The following THRB variants were observed in gnomAD, a reference collection of about 807,000 sequenced individuals.
The protein encoded by THRB is nuclear receptor subfamily 1 group A member 2.
Under a neutral mutation model 47.8 loss-of-function variants are expected in THRB, and 12 were observed. The observed-to-expected ratio is 0.25, with a 90% confidence interval of 0.16 to 0.41. The LOEUF (loss-of-function observed/expected upper bound fraction) is 0.41, where lower values mean the gene tolerates loss of function less well. Among genes scored for constraint, THRB ranks in the 10% least tolerant of loss-of-function variants. The pLI, the probability that THRB is intolerant of heterozygous loss-of-function variation, is 1.00. For missense variants in THRB, 348 were observed against 589.2 expected (o/e 0.59, Z 4.24); for synonymous variants, 218 against 212.2 (o/e 1.03, Z -0.24).
At chr3:24,372,913 A>G (rs115623226) in intron 1 of THRB, among the ~76,000 whole-genome samples, 1,842 of 152,232 alleles carry the variant, frequency 0.012, 37 homozygotes, top group African/African-American at 0.04. Flanking sequence ...CAAAAGAGAG[A>G]ATGTTGTGGG....
chr3:24,438,763 C>T (rs2071240940), intron 1 of THRB, among the ~76,000 whole-genome samples: 1 of 152,128 alleles, frequency 6.6e-6, no homozygotes, highest in Non-Finnish European at 1.5e-5. Context: ...TATCCAGTTA[C>T]TGGCCCTCGG....
intron 10 of THRB, among the ~76,000 whole-genome samples, chr3:24,124,074 TTTG>T (rs1464406340): frequency 6.6e-6 from 1 of 152,228 alleles, no homozygotes; most frequent in African/African-American, 2.4e-5. Flanking sequence ...TTCTCTTCAG[TTTG>T]TTCTTTGTGG....
At chr3:24,468,110 C>G (rs1437329341) in intron 1 of THRB, among the ~76,000 whole-genome samples, 1 of 152,192 alleles carries the variant, frequency 6.6e-6, no homozygotes, top group Non-Finnish European at 1.5e-5. Context: ...AGCATCTTTC[C>G]TAAAACCTCA....
chr3:24,339,091 C>A (rs572366086), intron 1 of THRB, among the ~76,000 whole-genome samples: 2 of 152,196 alleles, frequency 1.3e-5, no homozygotes, highest in Admixed American at 6.5e-5. Context: ...TACATATACA[C>A]CATTACCCCT....
chr3:24,162,255 A>G (rs141756052), intron 5 of THRB, among the ~76,000 whole-genome samples: 399 of 152,252 alleles, frequency 2.6e-3, no homozygotes, highest in African/African-American at 8.2e-3. Context: ...AGCAGAAAGC[A>G]CAACAAATAA....
intron 1 of THRB, among the ~76,000 whole-genome samples, chr3:24,397,600 C>CTTTT (rs11383377): frequency 1.4e-5 from 2 of 138,258 alleles, no homozygotes; most frequent in African/African-American, 2.7e-5. Context: ...TTTAGCAAGT[C>CTTTT]TTTTTTTTTT....
chr3:24,439,958 A>G (rs779403757), intron 1 of THRB, among the ~76,000 whole-genome samples: 4 of 152,200 alleles, frequency 2.6e-5, no homozygotes, highest in Non-Finnish European at 5.9e-5. Context: ...ACATAGATCA[A>G]AGGAGGATTA....
intron 1 of THRB, among the ~76,000 whole-genome samples, chr3:24,417,477 T>G (rs1052544971): frequency 1.3e-5 from 2 of 151,896 alleles, no homozygotes; most frequent in Non-Finnish European, 2.9e-5. Context: ...GATTTAGTTA[T>G]TTCTTTATCA....
chr3:24,466,684 T>C (rs1360260193), intron 1 of THRB, among the ~76,000 whole-genome samples: 1 of 152,240 alleles, frequency 6.6e-6, no homozygotes, highest in Non-Finnish European at 1.5e-5. Flanking sequence ...GTGTTTATAC[T>C]ATAGTGTAGT....
intron 8 of THRB, among the ~76,000 whole-genome samples, chr3:24,142,786 C>T (rs1326742048): frequency 2.6e-5 from 4 of 152,188 alleles, no homozygotes; most frequent in Admixed American, 6.5e-5. Context: ...GGGCAAGCGG[C>T]TTAAGGCCTT....
chr3:24,269,394 C>T (rs1474371738), intron 3 of THRB, among the ~76,000 whole-genome samples: 7 of 74,370 alleles, frequency 9.4e-5, no homozygotes, highest in South Asian at 5.4e-4. Context: ...CACACGCGCG[C>T]GCGCGCGCGC....
In THRB at chr3:24,251,802, C is replaced by CA. The variant is rs201321592; in HGVS notation, c.-42-22802dup. Among the ~76,000 whole-genome samples, 980 of 152,086 alleles carry CA rather than the reference C, an allele frequency of 6.4e-3. 7 individuals are homozygous for CA. The highest frequency in any genetic ancestry group is 0.017 in the Middle Eastern group (5 of 294). ...AGCACAGGGAAAAAATAAACTTCCTCAATTACTTTTGTAAATCAGCATAAT... is the reference window on the plus strand; with the variant it reads ...AGCACAGGGAAAAAATAAACTTCCTCAAATTACTTTTGTAAATCAGCATAAT... On this transcript the variant is annotated intron_variant, in intron 3 of 10. Transcript: ENST00000646209.
chr3:24,217,948 A>G (rs746670759), intron 4 of THRB, among the ~76,000 whole-genome samples: 1 of 152,166 alleles, frequency 6.6e-6, no homozygotes, highest in Non-Finnish European at 1.5e-5. Flanking sequence ...TTCAAATCTT[A>G]TGTTTAGATT....
intron 3 of THRB, among the ~76,000 whole-genome samples, chr3:24,231,328 T>G (rs1324378451): frequency 2.0e-5 from 3 of 152,146 alleles, no homozygotes; most frequent in African/African-American, 7.2e-5. Context: ...AAATTCCAAT[T>G]GAATAGGCAT....
chr3:24,152,785 A>G (rs1208305514), intron 5 of THRB, among the ~76,000 whole-genome samples: 2 of 151,802 alleles, frequency 1.3e-5, no homozygotes, highest in African/African-American at 4.8e-5. Context: ...ACATGGCAAA[A>G]CCCTCTCTCT....
Position 24,146,788 on chromosome 3 carries a change from TGGA to T in THRB, c.416_418del (p.Leu139del). Reference sequence around the variant, plus strand: ...TTCATATTTACAGGAATAGGATGGATGGAGATTTTTCTGAATGGTTCTTCTAAA... The same window carrying T: ...TTCATATTTACAGGAATAGGATGGATGATTTTTCTGAATGGTTCTTCTAAA... On this transcript the variant is annotated inframe_deletion, in exon 7 of 11. Coordinates refer to ENST00000646209, the MANE Select transcript of THRB (RefSeq NM_001354712.2). The T allele has an allele frequency of 6.2e-7, 1 of 1,613,950 alleles. No homozygotes were observed. The highest frequency in any genetic ancestry group is 8.5e-7 in the Non-Finnish European group (1 of 1,179,804).
At chr3:24,277,265 G>C (rs1017282073) in intron 3 of THRB, among the ~76,000 whole-genome samples, 2 of 152,092 alleles carry the variant, frequency 1.3e-5, no homozygotes, top group African/African-American at 4.8e-5. Flanking sequence ...GGGTGCCACG[G>C]GCATCTAGTG....
chr3:24,421,708 C>T (rs1164361278), intron 1 of THRB, among the ~76,000 whole-genome samples: 1 of 151,914 alleles, frequency 6.6e-6, no homozygotes, highest in African/African-American at 2.4e-5. Flanking sequence ...CACTTCAGAA[C>T]TAAGCATAGT....
chr3:24,360,741 T>C (rs774687128), intron 1 of THRB, among the ~76,000 whole-genome samples: 4 of 152,180 alleles, frequency 2.6e-5, no homozygotes, highest in Non-Finnish European at 4.4e-5. Context: ...GCATATTCTA[T>C]ATCCGGTATA....
Sources: allele counts gnomAD v4.1 joint callset (sites outside exome capture counted in the v4.1 genomes callset), GRCh38; gene constraint gnomAD v4.1.1; transcripts MANE v1.5; gene names NCBI Gene and HGNC (gene_info 2026-07-23, HGNC 2026-07-21).